Variants in SLC25A33 observed in about 807,000 individuals in gnomAD.
The protein encoded by SLC25A33 is bone marrow stromal cell mitochondrial carrier protein.
Under a neutral mutation model 35.5 loss-of-function variants are expected in SLC25A33, and 15 were observed. That is an observed-to-expected ratio of 0.42 (90% confidence interval 0.28 to 0.65). The LOEUF (loss-of-function observed/expected upper bound fraction) is 0.65, where lower values mean the gene tolerates loss of function less well. SLC25A33 is among the 30% of genes least tolerant of loss of function. The pLI, the probability that SLC25A33 is intolerant of heterozygous loss-of-function variation, is 0.20. For missense variants in SLC25A33, 257 were observed against 398.5 expected (o/e 0.64, Z 3.02); for synonymous variants, 136 against 148.7 (o/e 0.91, Z 0.62).
At chr1:9,574,887 A>G (rs1293247437) in intron 5 of SLC25A33, among the ~76,000 whole-genome samples, 1 of 152,156 alleles carries the variant, frequency 6.6e-6, no homozygotes, top group African/African-American at 2.4e-5. Context: ...TTTTCTCCCC[A>G]GTCCAAGTGA....
intron 1 of SLC25A33, among the ~76,000 whole-genome samples, chr1:9,550,618 A>G (rs976665154): frequency 6.6e-6 from 1 of 152,050 alleles, no homozygotes; most frequent in Admixed American, 6.6e-5. Flanking sequence ...ATTTTGTATG[A>G]ATAGACATGG....
intron 2 of SLC25A33, 33 bp from the exon 3 acceptor site, chr1:9,567,251 G>T (rs1034348491): frequency 6.3e-7 from 1 of 1,577,872 alleles, no homozygotes; most frequent in African/African-American, 1.4e-5. Flanking sequence ...TTGCCTGAGG[G>T]GTTTTAAAGG....
chr1:9,582,289 C>G lies in SLC25A33; in HGVS notation c.764-10C>G. On this transcript the variant is annotated splice_polypyrimidine_tract_variant and intron_variant, in intron 6 of 6. Transcript: ENST00000302692. The surrounding 1 kb of genome is among the most constrained non-coding windows in gnomAD (Gnocchi z 4.0). ...TATGTGGCGTAAAGTAGGTCTTTCTCTCTCTGCAGAAGTCATAAGGACGAG... is the reference window on the plus strand; with the variant it reads ...TATGTGGCGTAAAGTAGGTCTTTCTGTCTCTGCAGAAGTCATAAGGACGAG... 6.2e-7 allele frequency: 1 copy of G among 1,613,888 alleles called. No homozygotes were observed. The highest frequency in any genetic ancestry group is 8.5e-7 in the Non-Finnish European group (1 of 1,179,762).
chr1:9,549,817 C>T (rs1643236737), intron 1 of SLC25A33, among the ~76,000 whole-genome samples: 1 of 149,968 alleles, frequency 6.7e-6, no homozygotes, highest in Non-Finnish European at 1.5e-5. Flanking sequence ...GACAGGGTTT[C>T]AGCACGTTGG....
At chr1:9,570,463 G>A in intron 4 of SLC25A33, 105 bp downstream of exon 4, 1 of 975,490 alleles carries the variant, frequency 1.0e-6, no homozygotes, top group Non-Finnish European at 1.6e-6. Flanking sequence ...TGCTTCCTTT[G>A]CACCTAAAAT....
chr1:9,570,497 C>T (rs1643573572), intron 4 of SLC25A33, 139 bp downstream of exon 4: 2 of 694,752 alleles, frequency 2.9e-6, no homozygotes, highest in Admixed American at 5.6e-5. Flanking sequence ...CTTTATGTTA[C>T]AACCAATAGG....
In SLC25A33 at chr1:9,583,845, A is replaced by G. The variant is rs1011807078; in HGVS notation, c.*1344A>G. On this transcript the variant is annotated 3_prime_UTR_variant, in exon 7 of 7. Coordinates refer to ENST00000302692, the MANE Select transcript of SLC25A33 (RefSeq NM_032315.3). ...GTCTCTACTAAAAAAATACAAAAAA[A>G]TTGGCCATGCGTGGTGGCGGGCACC... The G allele has an allele frequency of 2.6e-5, 4 of 152,166 alleles. No individual in the cohort carries two copies. Among genetic ancestry groups the G allele is most frequent in the African/African-American group, 9.7e-5 (4 of 41,404 alleles). The allele number at this position is 152,166 out of a possible 1,614,324, so 9.4% of individuals were successfully genotyped here. A position where few individuals can be genotyped will look rare whatever the true frequency, so the allele number is the denominator to read the frequency against.
At position 9,580,151 on chromosome 1, in the gene SLC25A33, A is replaced by G. The variant is rs1427336512; in HGVS notation, c.680A>G (p.Glu227Gly). ...TTAGCCTCTTCTGCAAATGGGACTG[A>G]GAAAAATTCCACAAGTTTTTTTGGA... is the stretch of plus-strand genomic sequence containing the variant. ...APLASSANGT[E>G]KNSTSFFGLM... The change falls in exon 6 of 7, where the codon GAG becomes GGG. Residue 227 changes from glutamate to glycine, a missense_variant. Coordinates refer to ENST00000302692, the MANE Select transcript of SLC25A33 (RefSeq NM_032315.3). 1.9e-6 allele frequency: 3 copies of G among 1,610,106 alleles called. No individual in the cohort carries two copies. The highest frequency in any genetic ancestry group is 1.7e-6 in the Non-Finnish European group (2 of 1,178,650).
intron 1 of SLC25A33, among the ~76,000 whole-genome samples, chr1:9,547,923 C>T (rs1423815982): frequency 6.6e-6 from 1 of 151,910 alleles, no homozygotes; most frequent in East Asian, 1.9e-4. Flanking sequence ...ATGATCACTG[C>T]TCACTGCAGC....
intron 2 of SLC25A33, among the ~76,000 whole-genome samples, chr1:9,564,765 T>TATATATATATATATATATATATAC (rs59741987): frequency 4.5e-4 from 52 of 114,658 alleles, no homozygotes; most frequent in East Asian, 9.5e-4. Context: ...TATATATATA[T>TATATATATATATATATATATATAC]ACACAAAAAT....
chr1:9,579,202 G>T (rs930321817), intron 5 of SLC25A33, among the ~76,000 whole-genome samples: 4 of 152,148 alleles, frequency 2.6e-5, no homozygotes, highest in Admixed American at 6.5e-5. Context: ...TGTGTAGGGG[G>T]TTTTCCCCAC....
chr1:9,576,616 A>G (rs1433864861), intron 5 of SLC25A33: 1 of 576,808 alleles, frequency 1.7e-6, no homozygotes, highest in East Asian at 4.6e-5. Flanking sequence ...GGAACTGGCT[A>G]CCGTTCGAAC....
intron 1 of SLC25A33, among the ~76,000 whole-genome samples, chr1:9,547,021 A>T (rs1408156324): frequency 6.6e-6 from 1 of 152,182 alleles, no homozygotes. Context: ...CTCCCAGGGA[A>T]ATTATGCTGA....
At position 9,563,848 on chromosome 1, in the gene SLC25A33, C is replaced by T. The variant is rs139285336; in HGVS notation, c.237-3436C>T. On this transcript the variant is annotated intron_variant, in intron 2 of 6. Transcript: ENST00000302692. ...CTAGTTTTTGTATTTTTAGTAGAGA[C>T]GGGGTTTCACCATGTTGCCAGGCTG... 4.4e-3 allele frequency among the ~76,000 whole-genome samples: 662 copies of T among 152,018 alleles called. 6 individuals carry two copies. The highest frequency in any genetic ancestry group is 0.015 in the African/African-American group (622 of 41,496).
At chr1:9,546,880 A>G (rs1643179561) in intron 1 of SLC25A33, among the ~76,000 whole-genome samples, 1 of 152,114 alleles carries the variant, frequency 6.6e-6, no homozygotes, top group Non-Finnish European at 1.5e-5. Context: ...GCTTCATTCT[A>G]AGGCTGGCCC....
chr1:9,573,847 G>A (rs566824335), intron 5 of SLC25A33, among the ~76,000 whole-genome samples: 14 of 152,228 alleles, frequency 9.2e-5, no homozygotes, highest in Middle Eastern at 3.4e-3. Context: ...GCTGTAATAG[G>A]TTTCTACCCT....
intron 6 of SLC25A33, among the ~76,000 whole-genome samples, chr1:9,580,935 TG>T (rs1643737992): frequency 6.6e-6 from 1 of 151,468 alleles, no homozygotes; most frequent in South Asian, 2.1e-4. Context: ...AAGGCTACTT[TG>T]GGTAAGTTTA....
At chr1:9,572,683 G>T (rs915135039) in intron 4 of SLC25A33, among the ~76,000 whole-genome samples, 1 of 152,086 alleles carries the variant, frequency 6.6e-6, no homozygotes, top group Admixed American at 6.6e-5. Context: ...ACTATAGAGG[G>T]TGTGAGGTAT....
chr1:9,561,052 C>T (rs1643417079), intron 2 of SLC25A33, among the ~76,000 whole-genome samples: 1 of 151,296 alleles, frequency 6.6e-6, no homozygotes. Context: ...CGGATTCAAG[C>T]GATTCTCCTG....
Sources: gnomAD v4.1 joint callset for allele counts (sites outside exome capture counted in the v4.1 genomes callset) on GRCh38, gnomAD v4.1.1 for gene constraint, Gnocchi (gnomAD v3.1) non-coding constraint, MANE v1.5 for transcripts, NCBI Gene and HGNC (gene_info 2026-07-23, HGNC 2026-07-21) for gene names.